PVT1: variants seen among roughly 807,000 people sequenced by gnomAD.
PVT1 encodes the protein CXCR4/PVT1 fusion.
At chr8:127,968,937 CTCAGAGG>C (rs1374534575) in intron 3 of PVT1, among the ~76,000 whole-genome samples, 2 of 152,162 alleles carry the variant, frequency 1.3e-5, no homozygotes, top group Non-Finnish European at 2.9e-5. Flanking sequence ...AGGGTTTCCC[CTCAGAGG>C]CTTCACAGAC....
At chr8:127,798,538 G>A (rs1315203152) in intron 2 of PVT1, among the ~76,000 whole-genome samples, 2 of 151,820 alleles carry the variant, frequency 1.3e-5, no homozygotes, top group East Asian at 3.9e-4. Context: ...CTGTGGGTGT[G>A]GGCAGGAGTC....
chr8:127,978,322 T>G (rs60159122), intron 3 of PVT1, among the ~76,000 whole-genome samples: 1 of 151,498 alleles, frequency 6.6e-6, no homozygotes, highest in African/African-American at 2.4e-5. Flanking sequence ...CTGGCTAATT[T>G]AAAAAAAAAT....
intron 3 of PVT1, among the ~76,000 whole-genome samples, chr8:127,920,336 G>A (rs1346289640): frequency 6.6e-6 from 1 of 152,170 alleles, no homozygotes; most frequent in African/African-American, 2.4e-5. Context: ...ACTGAGTGAG[G>A]CCCCAGGCTC....
At chr8:127,903,252 T>G (rs7843833) in intron 3 of PVT1, among the ~76,000 whole-genome samples, 19,068 of 152,246 alleles carry the variant, frequency 0.13, 3,879 homozygotes, top group African/African-American at 0.43. Context: ...GTGTCCGTCC[T>G]TGTGCTTTGC....
intron 2 of PVT1, among the ~76,000 whole-genome samples, chr8:127,838,676 A>G (rs567944413): frequency 3.3e-5 from 5 of 152,318 alleles, no homozygotes; most frequent in Admixed American, 2.0e-4. Context: ...CTGGACTCCA[A>G]CCTGGTCAAC....
intron 2 of PVT1, among the ~76,000 whole-genome samples, chr8:127,878,180 T>C (rs1241312671): frequency 6.6e-6 from 1 of 151,304 alleles, no homozygotes; most frequent in African/African-American, 2.4e-5. Flanking sequence ...CAAAAGGAAA[T>C]TGAAAAAAAA....
chr8:128,019,638 A>AT (rs1376590458), intron 4 of PVT1, among the ~76,000 whole-genome samples: 1 of 152,216 alleles, frequency 6.6e-6, no homozygotes, highest in African/African-American at 2.4e-5. Context: ...AATGGTATTG[A>AT]TAAGTGTGCC....
intron 4 of PVT1, among the ~76,000 whole-genome samples, chr8:128,041,415 T>G (rs56380402): frequency 0.6 from 88,230 of 148,244 alleles, 26,640 homozygotes; most frequent in East Asian, 0.8. Flanking sequence ...GCATGTGTGT[T>G]TGTGCTCGTG....
chr8:127,950,698 C>G (rs1324315089), intron 3 of PVT1, among the ~76,000 whole-genome samples: 1 of 152,176 alleles, frequency 6.6e-6, no homozygotes, highest in African/African-American at 2.4e-5. Flanking sequence ...CCCAAAAGGG[C>G]CTGGGCTGGG....
At chr8:127,803,722 A>AT (rs1814495916) in intron 2 of PVT1, among the ~76,000 whole-genome samples, 24 of 95,908 alleles carry the variant, frequency 2.5e-4, no homozygotes, top group African/African-American at 9.9e-4. Flanking sequence ...CTGTCTCTAC[A>AT]GTTTTTTTTT....
rs201321738 is a variant in PVT1, at chr8:127,897,614, GGAAA to G, written n.782+6631_782+6634del. 3.3e-3 allele frequency among the ~76,000 whole-genome samples: 440 copies of G among 135,128 alleles called. 1 individual carries two copies. The highest frequency in any genetic ancestry group is 5.1e-3 in the Non-Finnish European group (327 of 64,446). The allele number at this position is 135,128 out of a possible 152,430, so 88.6% of individuals were successfully genotyped here. On this transcript the variant is annotated intron_variant and non_coding_transcript_variant, in intron 3 of 10. Coordinates refer to ENST00000651587, the Ensembl canonical transcript of PVT1. ...AGAGGGAGAGGAAGGAAGGAAGAAA[GGAAA>G]GAAAGAAAGAAAGACAGACAAAGAA...
intron 4 of PVT1, among the ~76,000 whole-genome samples, chr8:128,025,557 G>A (rs1817483541): frequency 6.6e-6 from 1 of 152,248 alleles, no homozygotes; most frequent in African/African-American, 2.4e-5. Context: ...GACCATTTGG[G>A]CCACATCTGA....
intron 4 of PVT1, among the ~76,000 whole-genome samples, chr8:128,022,650 A>T (rs1178811540): frequency 6.6e-6 from 1 of 152,206 alleles, no homozygotes; most frequent in African/African-American, 2.4e-5. Context: ...AACTTGGTAC[A>T]GTTGAAATAG....
chr8:127,803,526 C>G (rs1366710005), intron 2 of PVT1: 1 of 152,146 alleles, frequency 6.6e-6, no homozygotes, highest in East Asian at 1.9e-4. Flanking sequence ...AAAAAGATGA[C>G]AAACTCATGT....
chr8:127,963,982 C>T (rs889451722), intron 3 of PVT1, among the ~76,000 whole-genome samples: 5 of 152,190 alleles, frequency 3.3e-5, no homozygotes, highest in East Asian at 1.9e-4. Context: ...GGTTGAATGT[C>T]GAGTGGAGAA....
chr8:127,935,150 G>A (rs1347203094), intron 3 of PVT1, among the ~76,000 whole-genome samples: 1 of 152,058 alleles, frequency 6.6e-6, no homozygotes, highest in Non-Finnish European at 1.5e-5. Context: ...ATTTTTAGTA[G>A]AGACGGGGTT....
Position 127,860,681 on chromosome 8 carries a change from C to T in PVT1, n.373-29908C>T, listed in dbSNP as rs1262214366. On this transcript the variant is annotated intron_variant and non_coding_transcript_variant, in intron 2 of 10. Coordinates refer to ENST00000651587, the Ensembl canonical transcript of PVT1. ...TCGGAAGGCTGAGGCAGAAGAATTG[C>T]TTGAACCCAGGAGGTGGAGGTTGTA... Among the ~76,000 whole-genome samples, 5 of 149,908 alleles carry T rather than the reference C, an allele frequency of 3.3e-5. No individual in the cohort carries two copies. In the Admixed American group the frequency reaches 3.4e-4, roughly 10 times the overall value.
intron 3 of PVT1, among the ~76,000 whole-genome samples, chr8:127,975,523 G>A (rs1047725154): frequency 1.3e-5 from 2 of 152,136 alleles, no homozygotes; most frequent in Admixed American, 6.6e-5. Flanking sequence ...CAGTTGCAAC[G>A]CAGCCTTGAC....
chr8:127,910,624 T>C (rs768336615), intron 3 of PVT1, among the ~76,000 whole-genome samples: 6 of 152,232 alleles, frequency 3.9e-5, no homozygotes, highest in Non-Finnish European at 7.3e-5. Context: ...CTAATAATCA[T>C]AGCTGACATT....
Sources: gnomAD v4.1 joint callset for allele counts (sites outside exome capture counted in the v4.1 genomes callset) on GRCh38, gnomAD v4.1.1 for gene constraint, MANE v1.5 for transcripts, NCBI Gene and HGNC (gene_info 2026-07-23, HGNC 2026-07-21) for gene names.